The following GCNT2 variants were observed in gnomAD, a reference collection of about 807,000 sequenced individuals.
GCNT2 encodes N-acetyllactosaminide beta-1,6-N-acetylglucosaminyl-transferase.
In GCNT2, 34 loss-of-function variants were observed where a neutral mutation model predicts 34.2. That is an observed-to-expected ratio of 1.00 (90% confidence interval 0.76 to 1.32). The LOEUF is 1.32. Among genes scored for constraint, GCNT2 ranks in the 40% most tolerant of loss-of-function variants. The pLI is 0.00. For missense variants in GCNT2, 584 were observed against 489.4 expected (o/e 1.19, Z -1.82); for synonymous variants, 212 against 188.0 (o/e 1.13, Z -1.04).
chr6:10,558,488 T>C (rs550950995), intron 3 of GCNT2, among the ~76,000 whole-genome samples: 5 of 152,320 alleles, frequency 3.3e-5, no homozygotes, highest in African/African-American at 1.2e-4. Context: ...TCACCCGAAT[T>C]TTCCTATCTT....
At chr6:10,603,423 G>A (rs1462779473) in intron 3 of GCNT2, among the ~76,000 whole-genome samples, 4 of 152,172 alleles carry the variant, frequency 2.6e-5, no homozygotes, top group South Asian at 2.1e-4. Flanking sequence ...AGTTGCCCTA[G>A]AAACAAGAGG....
At chr6:10,541,448 A>G (rs1181072475) in intron 3 of GCNT2, among the ~76,000 whole-genome samples, 1 of 152,110 alleles carries the variant, frequency 6.6e-6, no homozygotes, top group Non-Finnish European at 1.5e-5. Context: ...TGTCTTTGCT[A>G]TTGTGAATAG....
At chr6:10,604,338 A>G (rs2127430368) in intron 3 of GCNT2, among the ~76,000 whole-genome samples, 1 of 152,344 alleles carries the variant, frequency 6.6e-6, no homozygotes, top group African/African-American at 2.4e-5. Flanking sequence ...TTACAGAATA[A>G]TAGTTTTAAG....
intron 3 of GCNT2, among the ~76,000 whole-genome samples, chr6:10,536,081 C>T (rs1014629982): frequency 7.2e-5 from 11 of 152,018 alleles, no homozygotes; most frequent in South Asian, 2.1e-4. Flanking sequence ...TTCCAGGTGC[C>T]GAGACCTTGA....
intron 3 of GCNT2, among the ~76,000 whole-genome samples, chr6:10,611,370 T>C (rs1765547077): frequency 6.6e-6 from 1 of 151,242 alleles, no homozygotes; most frequent in Non-Finnish European, 1.5e-5. Flanking sequence ...CTCGCTCTAT[T>C]GGCAGGCTGG....
At chr6:10,528,533 C>T (rs1014546531) in intron 2 of GCNT2, 98 bp from the exon 3 acceptor site, 1 of 325,902 alleles carries the variant, frequency 3.1e-6, no homozygotes, top group Non-Finnish European at 5.9e-6. Flanking sequence ...GAGCCGATGA[C>T]TTGCAGAATG....
rs1470187367 is a variant in GCNT2 at position 10,627,495 on chromosome 6, C to T, written c.*888C>T. The T allele has an allele frequency of 6.6e-6, 1 of 152,160 alleles. No individual in the cohort carries two copies. Among genetic ancestry groups the T allele is most frequent in the Non-Finnish European group, 1.5e-5 (1 of 68,052 alleles). The allele number at this position is 152,160 out of a possible 1,614,324, so 9.4% of individuals were successfully genotyped here. On this transcript the variant is annotated 3_prime_UTR_variant, in exon 5 of 5. Coordinates refer to ENST00000495262, the MANE Select transcript of GCNT2 (RefSeq NM_145649.5). ...TTCTATCCTGTGAGGCTTTTAATTG[C>T]ACCATAGTATGCTCTGAGTAGCTTT... is the stretch of plus-strand genomic sequence containing the variant.
intron 3 of GCNT2, among the ~76,000 whole-genome samples, chr6:10,608,585 G>A (rs1443515350): frequency 6.6e-6 from 1 of 152,134 alleles, no homozygotes; most frequent in African/African-American, 2.4e-5. Context: ...TGTAATCCTA[G>A]CCACTCAGGA....
intron 3 of GCNT2, among the ~76,000 whole-genome samples, chr6:10,572,329 GACCCCA>G (rs922817202): frequency 3.3e-5 from 5 of 152,200 alleles, no homozygotes; most frequent in African/African-American, 1.2e-4. Context: ...TAGCCCTGAA[GACCCCA>G]ACCAAAGTGA....
intron 3 of GCNT2, among the ~76,000 whole-genome samples, chr6:10,569,235 CCACA>C (rs373362957): frequency 0.027 from 1,301 of 47,498 alleles, 52 homozygotes; most frequent in Admixed American, 0.12. Flanking sequence ...ACTCCCCCCG[CCACA>C]CACACACACA....
chr6:10,582,313 G>T (rs13206251), intron 3 of GCNT2, among the ~76,000 whole-genome samples: 2 of 79,570 alleles, frequency 2.5e-5, no homozygotes, highest in Non-Finnish European at 4.6e-5. Context: ...TTAATATATA[G>T]TAATATTAAA....
chr6:10,567,862 C>T (rs1763358157), intron 3 of GCNT2, among the ~76,000 whole-genome samples: 1 of 152,198 alleles, frequency 6.6e-6, no homozygotes, highest in Non-Finnish European at 1.5e-5. Flanking sequence ...GCCGAAACCT[C>T]AAGATAATGA....
intron 3 of GCNT2, among the ~76,000 whole-genome samples, chr6:10,597,567 A>G (rs1764910948): frequency 6.6e-6 from 1 of 152,178 alleles, no homozygotes; most frequent in Admixed American, 6.5e-5. Flanking sequence ...AGATATTTGT[A>G]AAAGGGCTAG....
At chr6:10,573,726 T>C (rs998236156) in intron 3 of GCNT2, among the ~76,000 whole-genome samples, 1 of 152,216 alleles carries the variant, frequency 6.6e-6, no homozygotes, top group Non-Finnish European at 1.5e-5. Flanking sequence ...ACCCCATCGT[T>C]AGCTTTTTGC....
chr6:10,590,208 G>A (rs1764569986), intron 3 of GCNT2, among the ~76,000 whole-genome samples: 1 of 152,024 alleles, frequency 6.6e-6, no homozygotes, highest in Non-Finnish European at 1.5e-5. Context: ...GTCCAGCCTG[G>A]GCAACATAGT....
chr6:10,616,884 G>A (rs1442102246), intron 3 of GCNT2, among the ~76,000 whole-genome samples: 1 of 152,188 alleles, frequency 6.6e-6, no homozygotes, highest in Non-Finnish European at 1.5e-5. Flanking sequence ...TGATTGGTGT[G>A]TTTACAAACC....
chr6:10,586,635 A>G (rs750473897), intron 3 of GCNT2: 1 of 1,614,142 alleles, frequency 6.2e-7, no homozygotes, highest in African/African-American at 1.3e-5. Flanking sequence ...GAAAAATATC[A>G]CCCCAGGGGT....
intron 3 of GCNT2, among the ~76,000 whole-genome samples, chr6:10,609,334 A>G (rs1465870763): frequency 1.3e-5 from 2 of 152,212 alleles, no homozygotes; most frequent in Non-Finnish European, 2.9e-5. Context: ...AAGAGTGAGA[A>G]CCAAGAGAGG....
chr6:10,589,270 T>G (rs1325053133), intron 3 of GCNT2, among the ~76,000 whole-genome samples: 2 of 147,124 alleles, frequency 1.4e-5, no homozygotes, highest in Non-Finnish European at 3.0e-5. Flanking sequence ...ATGTGTGGGG[T>G]GTGTGTGTTT....
Sources: allele counts gnomAD v4.1 joint callset (sites outside exome capture counted in the v4.1 genomes callset), GRCh38; gene constraint gnomAD v4.1.1; transcripts MANE v1.5; gene names NCBI Gene and HGNC (gene_info 2026-07-23, HGNC 2026-07-21).